ME1: variants seen among roughly 807,000 people sequenced by gnomAD.
The protein encoded by ME1 is malic enzyme 1.
A neutral mutation model predicts 66.4 loss-of-function variants in ME1; 74 were observed. The ratio of observed to expected loss-of-function variants is 1.11; its 90% CI spans 0.92 to 1.35. The LOEUF (loss-of-function observed/expected upper bound fraction) is 1.35, where lower values mean the gene tolerates loss of function less well. Among genes scored for constraint, ME1 ranks in the 40% most tolerant of loss-of-function variants. The pLI, the probability that ME1 is intolerant of heterozygous loss-of-function variation, is 0.00. For synonymous variants in ME1, 251 were observed against 235.6 expected, an observed-to-expected ratio of 1.07 and a Z score of -0.60; for missense variants, 750 against 694.1, an observed-to-expected ratio of 1.08 and a Z score of -0.90.
chr6:83,352,374 T>C (rs556085545), intron 3 of ME1, among the ~76,000 whole-genome samples: 93 of 152,010 alleles, frequency 6.1e-4, no homozygotes, highest in African/African-American at 2.2e-3. Context: ...TTCTCTTAGA[T>C]ATTTTAAAAT....
intron 3 of ME1, among the ~76,000 whole-genome samples, chr6:83,388,978 G>A (rs1269638392): frequency 1.3e-5 from 2 of 152,088 alleles, no homozygotes; most frequent in Non-Finnish European, 2.9e-5. Context: ...AAATAGCTGG[G>A]CATGGTGGTG....
At chr6:83,424,484 A>G (rs1770331360) in intron 1 of ME1, among the ~76,000 whole-genome samples, 1 of 152,208 alleles carries the variant, frequency 6.6e-6, no homozygotes. Flanking sequence ...TATGATAGAA[A>G]TCTGTTTATC....
chr6:83,292,119 C>T (rs1486458048), intron 6 of ME1, among the ~76,000 whole-genome samples: 1 of 152,150 alleles, frequency 6.6e-6, no homozygotes. Flanking sequence ...AAGCCTACTT[C>T]TGTCAATTCA....
chr6:83,414,615 T>TA (rs1770124674), intron 1 of ME1, among the ~76,000 whole-genome samples: 1 of 152,066 alleles, frequency 6.6e-6, no homozygotes, highest in Admixed American at 6.6e-5. Flanking sequence ...AAATTTTTTT[T>TA]TAAAAAAAGA....
At chr6:83,276,170 T>A (rs1767179955) in intron 6 of ME1, among the ~76,000 whole-genome samples, 1 of 152,136 alleles carries the variant, frequency 6.6e-6, no homozygotes, top group African/African-American at 2.4e-5. Context: ...TAAAACAAAT[T>A]CACGATGCAG....
intron 6 of ME1, among the ~76,000 whole-genome samples, chr6:83,295,600 C>G (rs1172199098): frequency 1.3e-5 from 2 of 152,024 alleles, no homozygotes; most frequent in East Asian, 3.9e-4. Context: ...ACCTCTGCCT[C>G]CTGGGTTCAA....
intron 6 of ME1, among the ~76,000 whole-genome samples, chr6:83,281,435 T>C (rs931298368): frequency 2.6e-5 from 4 of 152,158 alleles, no homozygotes; most frequent in Non-Finnish European, 5.9e-5. Flanking sequence ...AGGTACTCTT[T>C]CTATATCCTC....
intron 5 of ME1, among the ~76,000 whole-genome samples, chr6:83,331,882 A>G (rs1379248645): frequency 6.6e-6 from 1 of 152,214 alleles, no homozygotes; most frequent in African/African-American, 2.4e-5. Context: ...AACAAGCAGG[A>G]AGGGAACACA....
intron 5 of ME1, among the ~76,000 whole-genome samples, chr6:83,325,113 C>T (rs1170344): frequency 0.32 from 48,651 of 152,022 alleles, 8,153 homozygotes; most frequent in Middle Eastern, 0.49. Flanking sequence ...ATAACAAAAA[C>T]CACATGATTA....
At chr6:83,349,630 CT>C (rs1387717100) in intron 4 of ME1, among the ~76,000 whole-genome samples, 8 of 152,190 alleles carry the variant, frequency 5.3e-5, no homozygotes, top group Admixed American at 2.0e-4. Flanking sequence ...AATGCAGAAC[CT>C]TTGCATCTTT....
At chr6:83,290,627 G>C (rs1265928554) in intron 6 of ME1, among the ~76,000 whole-genome samples, 1 of 152,174 alleles carries the variant, frequency 6.6e-6, no homozygotes, top group East Asian at 1.9e-4. Flanking sequence ...GAGTTCTGTA[G>C]ATGTCTATTA....
chr6:83,229,434 T>A (rs1441946250), intron 9 of ME1, among the ~76,000 whole-genome samples: 1 of 152,200 alleles, frequency 6.6e-6, no homozygotes, highest in East Asian at 1.9e-4. Context: ...ATGTTCTGAT[T>A]ATGAATGCGC....
At chr6:83,245,707 C>T (rs1387590970) in intron 7 of ME1, among the ~76,000 whole-genome samples, 2 of 151,924 alleles carry the variant, frequency 1.3e-5, no homozygotes, top group South Asian at 2.1e-4. Context: ...CGTGCCTGGC[C>T]GAGGCAAAGT....
chr6:83,369,149 C>T (rs1769149801), intron 3 of ME1, among the ~76,000 whole-genome samples: 1 of 152,108 alleles, frequency 6.6e-6, no homozygotes, highest in Admixed American at 6.6e-5. Flanking sequence ...TCCAGGCACA[C>T]AGTTAAGTGT....
intron 13 of ME1, among the ~76,000 whole-genome samples, chr6:83,213,449 AAAC>A (rs201521106): frequency 0.015 from 2,329 of 151,940 alleles, 53 homozygotes; most frequent in African/African-American, 0.053. Flanking sequence ...ACAAAACAAA[AAAC>A]AACAACAACA....
chr6:83,373,549 C>A (rs1769233144), intron 3 of ME1, among the ~76,000 whole-genome samples: 3 of 152,236 alleles, frequency 2.0e-5, no homozygotes, highest in South Asian at 4.2e-4. Context: ...TCATTAAATA[C>A]ATAGAAAGTT....
intron 6 of ME1, among the ~76,000 whole-genome samples, chr6:83,281,127 T>C (rs1232264732): frequency 6.6e-6 from 1 of 152,216 alleles, no homozygotes; most frequent in Non-Finnish European, 1.5e-5. Context: ...TACAAGTCTT[T>C]GAAAATAAAC....
chr6:83,289,719 C>T (rs1429703589), intron 6 of ME1, among the ~76,000 whole-genome samples: 1 of 152,284 alleles, frequency 6.6e-6, no homozygotes, highest in South Asian at 2.1e-4. Flanking sequence ...ACCAGCTCCT[C>T]TTTGTACCTC....
Position 83,212,350 on chromosome 6 carries a change from C to T in ME1, c.1549-256G>A, listed in dbSNP as rs73749755. 2.2e-3 allele frequency among the ~76,000 whole-genome samples: 334 copies of T among 152,318 alleles called. 2 individuals are homozygous for T. The highest frequency in any genetic ancestry group is 7.6e-3 in the African/African-American group (316 of 41,572). On this transcript the variant is annotated intron_variant, in intron 13 of 13. Coordinates refer to ENST00000369705, the MANE Select transcript of ME1 (RefSeq NM_002395.6). ...GGTGAGACTGATTCAAGTACTATCA[C>T]ATCTGGATTTCTCAGAGAAGCCAGT... is the stretch of plus-strand genomic sequence containing the variant.
Sources: allele counts gnomAD v4.1 joint callset (sites outside exome capture counted in the v4.1 genomes callset), GRCh38; gene constraint gnomAD v4.1.1; transcripts MANE v1.5; gene names NCBI Gene and HGNC (gene_info 2026-07-23, HGNC 2026-07-21).